Variants in LUZP2 observed in about 807,000 individuals in gnomAD.
LUZP2 encodes the protein leucine zipper protein 2.
A neutral mutation model predicts 51.6 loss-of-function variants in LUZP2; 52 were observed. The observed-to-expected ratio is 1.01, with a 90% CI of 0.81 to 1.27. The LOEUF is 1.27. Among genes scored for constraint, LUZP2 ranks in the 50% most tolerant of loss-of-function variants. LUZP2 has a pLI of 0.00. For synonymous variants in LUZP2, 154 were observed against 137.3 expected (o/e 1.12, Z -0.85); for missense variants, 436 against 395.4 (o/e 1.10, Z -0.87).
intron 1 of LUZP2, among the ~76,000 whole-genome samples, chr11:24,643,338 G>T (rs1855366741): frequency 6.6e-6 from 1 of 151,674 alleles, no homozygotes; most frequent in Admixed American, 6.6e-5. Flanking sequence ...AGATTAAGGA[G>T]TGGAAGAATT....
chr11:24,614,746 C>A (rs80028379), intron 1 of LUZP2, among the ~76,000 whole-genome samples: 2,918 of 152,130 alleles, frequency 0.019, 103 homozygotes, highest in African/African-American at 0.067. Context: ...CCTGACCCAC[C>A]TTAAAGTAGA....
intron 1 of LUZP2, among the ~76,000 whole-genome samples, chr11:24,566,955 AT>A (rs367822999): frequency 9.0e-3 from 34 of 3,794 alleles, no homozygotes; most frequent in Non-Finnish European, 0.013. Context: ...ATATATATAT[AT>A]ATTTATATAT....
chr11:25,024,686 G>A (rs1857432184), intron 9 of LUZP2, among the ~76,000 whole-genome samples: 1 of 152,084 alleles, frequency 6.6e-6, no homozygotes, highest in Non-Finnish European at 1.5e-5. Flanking sequence ...CTCATGGATA[G>A]GAAGAATCAA....
At chr11:24,708,900 GA>G (rs1432372658) in intron 1 of LUZP2, among the ~76,000 whole-genome samples, 1 of 152,172 alleles carries the variant, frequency 6.6e-6, no homozygotes, top group African/African-American at 2.4e-5. Context: ...CTGCATGTTG[GA>G]GCTTTTAGAG....
At chr11:24,657,489 C>T (rs771463944) in intron 1 of LUZP2, among the ~76,000 whole-genome samples, 1 of 152,122 alleles carries the variant, frequency 6.6e-6, no homozygotes, top group Non-Finnish European at 1.5e-5. Flanking sequence ...TGGGCAAAAA[C>T]TGGAGGCATT....
At chr11:25,044,865 A>G (rs1485887877) in intron 9 of LUZP2, among the ~76,000 whole-genome samples, 1 of 152,102 alleles carries the variant, frequency 6.6e-6, no homozygotes, top group Non-Finnish European at 1.5e-5. Context: ...TACACCACGG[A>G]ATACTATGCA....
rs371674587 is a variant in LUZP2 at position 24,682,594 on chromosome 11, G to A, written c.63-46575G>A. The stretch of plus-strand genomic sequence containing the variant: ...TGAATTTATATATATATATGTGTGT[G>A]TGTGTATATATATGTGTATGTGTAT... On this transcript the variant is annotated intron_variant, in intron 1 of 11. Coordinates refer to ENST00000336930, the MANE Select transcript of LUZP2 (RefSeq NM_001009909.4). Among the ~76,000 whole-genome samples, 20 of 144,736 alleles carry A rather than the reference G, an allele frequency of 1.4e-4. 1 individual carries two copies. Among genetic ancestry groups the A allele is most frequent in the African/African-American group, 3.5e-4 (14 of 39,770 alleles). 95.0% of individuals were successfully genotyped at this position (144,736 alleles called of 152,430 possible).
intron 10 of LUZP2, among the ~76,000 whole-genome samples, chr11:25,053,755 C>T (rs1858594235): frequency 2.0e-5 from 3 of 152,038 alleles, no homozygotes; most frequent in Admixed American, 1.3e-4. Context: ...ATGCTATGAA[C>T]GTTTGCATAA....
At chr11:24,873,093 A>G (rs1201914121) in intron 5 of LUZP2, among the ~76,000 whole-genome samples, 2 of 152,188 alleles carry the variant, frequency 1.3e-5, no homozygotes, top group African/African-American at 4.8e-5. Flanking sequence ...TGCAATTAAG[A>G]CAGATGTGAT....
intron 1 of LUZP2, among the ~76,000 whole-genome samples, chr11:24,655,355 A>G (rs547347989): frequency 6.6e-6 from 1 of 152,302 alleles, no homozygotes; most frequent in Non-Finnish European, 1.5e-5. Context: ...ATGTAGTGAT[A>G]TCAAGATTTC....
At chr11:24,560,175 C>T (rs538477897) in intron 1 of LUZP2, among the ~76,000 whole-genome samples, 3 of 152,074 alleles carry the variant, frequency 2.0e-5, no homozygotes, top group East Asian at 1.9e-4. Context: ...AAGCTCTTAA[C>T]GTGTTATGAA....
intron 5 of LUZP2, among the ~76,000 whole-genome samples, chr11:24,802,991 T>C (rs1331982902): frequency 6.6e-6 from 1 of 152,088 alleles, no homozygotes; most frequent in African/African-American, 2.4e-5. Context: ...AACTTTCTGT[T>C]ATTTATAAAT....
chr11:24,804,521 G>T (rs1324606978), intron 5 of LUZP2, among the ~76,000 whole-genome samples: 1 of 152,124 alleles, frequency 6.6e-6, no homozygotes, highest in East Asian at 1.9e-4. Flanking sequence ...CAGCCCTGCA[G>T]AAGTATGATT....
At position 24,983,312 on chromosome 11, in the gene LUZP2, C is replaced by A. The variant is rs367723495; in HGVS notation, c.765+19C>A. ...AAGCAAGGTACCTACCTTTTATTTG[C>A]GCTTTGTAAAGTAACAGCAAGTAAT... is the stretch of plus-strand genomic sequence containing the variant. On this transcript the variant is annotated intron_variant, in intron 9 of 11. Coordinates refer to ENST00000336930, the MANE Select transcript of LUZP2 (RefSeq NM_001009909.4). The A allele has an allele frequency of 5.0e-5, 80 of 1,607,266 alleles. No individual in the cohort carries two copies. Among genetic ancestry groups the A allele is most frequent in the Non-Finnish European group, 2.6e-5 (31 of 1,176,272 alleles).
intron 2 of LUZP2, among the ~76,000 whole-genome samples, chr11:24,731,823 T>C (rs1411705645): frequency 1.4e-4 from 21 of 151,786 alleles, no homozygotes. Context: ...CTTCAAAGAA[T>C]GAATAGAAGA....
At chr11:24,866,330 T>C (rs1244127879) in intron 5 of LUZP2, among the ~76,000 whole-genome samples, 1 of 152,104 alleles carries the variant, frequency 6.6e-6, no homozygotes, top group African/African-American at 2.4e-5. Context: ...GGCATAATTT[T>C]CTGTATAACT....
chr11:24,814,107 C>G (rs1053463029), intron 5 of LUZP2, among the ~76,000 whole-genome samples: 1 of 152,172 alleles, frequency 6.6e-6, no homozygotes, highest in African/African-American at 2.4e-5. Context: ...TTAAAACTTG[C>G]TTATTTATTT....
At chr11:24,635,342 A>G (rs931368182) in intron 1 of LUZP2, among the ~76,000 whole-genome samples, 22 of 152,146 alleles carry the variant, frequency 1.4e-4, no homozygotes, top group African/African-American at 5.1e-4. Flanking sequence ...AATGATAAAA[A>G]TAATTGGCAT....
At chr11:24,964,001 T>C (rs1340056622) in intron 7 of LUZP2, among the ~76,000 whole-genome samples, 1 of 152,222 alleles carries the variant, frequency 6.6e-6, no homozygotes, top group Non-Finnish European at 1.5e-5. Context: ...CATACTGATT[T>C]CAAATCTTTT....
Sources: allele counts gnomAD v4.1 joint callset (sites outside exome capture counted in the v4.1 genomes callset), GRCh38; gene constraint gnomAD v4.1.1; transcripts MANE v1.5; gene names NCBI Gene and HGNC (gene_info 2026-07-23, HGNC 2026-07-21).